The following SMURF2 variants were observed in gnomAD, a reference collection of about 807,000 sequenced individuals.
SMURF2 encodes the protein E3 ubiquitin-protein ligase SMURF2.
SMURF2 carries 48 observed loss-of-function variants against 109.6 expected under a neutral mutation model. The observed-to-expected ratio is 0.44, with a 90% confidence interval of 0.35 to 0.56. The LOEUF is 0.56. Ranked by LOEUF, SMURF2 falls within the 20% of genes least tolerant of loss-of-function variation. The pLI is 0.01. For missense variants in SMURF2, 575 were observed against 909.0 expected, an observed-to-expected ratio of 0.63 and a Z score of 4.72; for synonymous variants, 288 against 317.1, an observed-to-expected ratio of 0.91 and a Z score of 0.97.
In SMURF2 at chr17:64,583,464, G is replaced by T. The variant is rs375541957; in HGVS notation, c.566C>A (p.Thr189Lys). Residue 189 changes from threonine (T) to lysine (K), a missense_variant, in exon 7 of 19, where the codon ACA becomes AAA. Transcript: ENST00000262435. Reference sequence around the variant, plus strand: ...GAAAATATTTGTATGTTCTTACCGTGTTGGGCGCTCCCATTGCGTAGTTCT... The same window carrying T: ...GAAAATATTTGTATGTTCTTACCGTTTTGGGCGCTCCCATTGCGTAGTTCT... ...ITRTTQWERP[T>K]RPASEYSSPG... The T allele has an allele frequency of 5.6e-6, 9 of 1,612,378 alleles. No individual in the cohort carries two copies. Among genetic ancestry groups the T allele is most frequent in the Non-Finnish European group, 6.8e-6 (8 of 1,178,384 alleles).
chr17:64,626,901 C>G (rs568409941), intron 1 of SMURF2, among the ~76,000 whole-genome samples: 1 of 151,110 alleles, frequency 6.6e-6, no homozygotes, highest in East Asian at 1.9e-4. Flanking sequence ...TAACATTAAA[C>G]TATCACATGA....
chr17:64,600,034 T>C (rs1969872559), intron 2 of SMURF2, among the ~76,000 whole-genome samples: 1 of 152,162 alleles, frequency 6.6e-6, no homozygotes, highest in African/African-American at 2.4e-5. Flanking sequence ...CAGGGAGCCA[T>C]TTCAGGTTCT....
In SMURF2 at chr17:64,562,855, T is replaced by TA; in HGVS notation, c.1127dup (p.Ile378AsnfsTer19). 1 of 1,614,208 alleles carries TA rather than the reference T, an allele frequency of 6.2e-7. No homozygotes were observed. The highest frequency in any genetic ancestry group is 8.5e-7 in the Non-Finnish European group (1 of 1,180,026). On this transcript the variant is annotated frameshift_variant, in exon 11 of 19. Transcript: ENST00000262435. LOFTEE classifies it high-confidence loss of function. ...GGGAAAGTTCTTGCCGCAAAATTTT[T>TA]AGTTTCTGAACCAGGTCTCGCTTGT... is the stretch of plus-strand genomic sequence containing the variant.
chr17:64,622,924 T>A (rs1399809779), intron 1 of SMURF2, among the ~76,000 whole-genome samples: 1 of 152,186 alleles, frequency 6.6e-6, no homozygotes, highest in Middle Eastern at 3.2e-3. Context: ...TATCTAATCA[T>A]TTATATCAGT....
rs919183897 is a variant in SMURF2 at position 64,662,069 on chromosome 17, C to T, written c.-189G>A. 4 of 1,096,998 alleles carry T rather than the reference C, an allele frequency of 3.6e-6. No individual in the cohort carries two copies. Among genetic ancestry groups the T allele is most frequent in the Non-Finnish European group, 2.2e-6 (2 of 901,918 alleles). The allele number at this position is 1,096,998 out of a possible 1,614,324, so 68.0% of individuals were successfully genotyped here. On this transcript the variant is annotated 5_prime_UTR_variant, in exon 1 of 19. Transcript: ENST00000262435. ...GAGGGAGCGGGACGCCGAGCTCCCC[C>T]CTCCTCCCACTTCTCCTTCCTCGGC...
Position 64,547,095 on chromosome 17 carries a change from A to C in SMURF2, c.2071+505T>G, listed in dbSNP as rs1968967462. On this transcript the variant is annotated intron_variant, in intron 17 of 18. Transcript: ENST00000262435. This position sits in a 1 kb window ranked among gnomAD's most constrained non-coding sequence, Gnocchi z 4.2. ...CCCAAAATTAACCAGCTTATTCCAC[A>C]GAAAACCATTCTTAAAAAAGGAATA... Among the ~76,000 whole-genome samples, 1 of 152,252 alleles carries C rather than the reference A, an allele frequency of 6.6e-6. No individual in the cohort carries two copies. Among genetic ancestry groups the C allele is most frequent in the African/African-American group, 2.4e-5 (1 of 41,470 alleles).
Position 64,543,853 on chromosome 17 carries a change from C to T in SMURF2, c.*1995G>A, listed in dbSNP as rs1968909723. 2.0e-5 allele frequency: 3 copies of T among 152,232 alleles called. No individual in the cohort carries two copies. The South Asian group carries it at 6.2e-4, about 32-fold the overall frequency. The allele number at this position is 152,232 out of a possible 1,614,324, so 9.4% of individuals were successfully genotyped here. ...GTACTATCATGACAGCTGAACATTA[C>T]TGATTATCAAATAGCATAGAAACCA... On this transcript the variant is annotated 3_prime_UTR_variant, in exon 19 of 19. Coordinates refer to ENST00000262435, the MANE Select transcript of SMURF2 (RefSeq NM_022739.4).
At chr17:64,587,059 C>T (rs1226300140) in intron 5 of SMURF2, among the ~76,000 whole-genome samples, 2 of 151,936 alleles carry the variant, frequency 1.3e-5, no homozygotes, top group African/African-American at 4.8e-5. Flanking sequence ...ACCTGCAGTC[C>T]CAGCTACTGG....
intron 5 of SMURF2, among the ~76,000 whole-genome samples, chr17:64,586,862 TG>T (rs1969667981): frequency 6.6e-6 from 1 of 150,830 alleles, no homozygotes; most frequent in South Asian, 2.1e-4. Flanking sequence ...CTTGATCATC[TG>T]ACCATCTAAA....
At chr17:64,619,489 A>C (rs1260905235) in intron 1 of SMURF2, among the ~76,000 whole-genome samples, 1 of 151,066 alleles carries the variant, frequency 6.6e-6, no homozygotes, top group Non-Finnish European at 1.5e-5. Flanking sequence ...AAAAAAAAAA[A>C]AAAAAAAAAA....
chr17:64,593,254 C>T, intron 4 of SMURF2, 186 bp downstream of exon 4: 3 of 323,390 alleles, frequency 9.3e-6, no homozygotes, highest in Non-Finnish European at 1.5e-5. Context: ...GAATTTTTAC[C>T]AATGTTTCAG....
chr17:64,632,790 TAAGAG>T (rs1395469753), intron 1 of SMURF2, among the ~76,000 whole-genome samples: 9 of 152,164 alleles, frequency 5.9e-5, no homozygotes, highest in African/African-American at 9.7e-5. Context: ...TTCCCACGCT[TAAGAG>T]AAGGGCTGTG....
At chr17:64,650,910 T>TAAA (rs60191277) in intron 1 of SMURF2, among the ~76,000 whole-genome samples, 190 of 143,722 alleles carry the variant, frequency 1.3e-3, no homozygotes, top group African/African-American at 4.4e-3. Context: ...GCACGGTGGT[T>TAAA]AAAAAAAAAA....
At position 64,633,349 on chromosome 17, in the gene SMURF2, C is replaced by T. The variant is rs540405370; in HGVS notation, c.53-26709G>A. Among the ~76,000 whole-genome samples the T allele has an allele frequency of 7.4e-4, 112 of 152,234 alleles. 3 individuals are homozygous for T. In the South Asian group the frequency reaches 0.021, roughly 28 times the overall value. On this transcript the variant is annotated intron_variant, in intron 1 of 18. Transcript: ENST00000262435. ...AGGTACTGGGAGTCAATCAGGGTCC[C>T]TCAAAATCAAATAGAGGAAAGAACA...
intron 1 of SMURF2, among the ~76,000 whole-genome samples, chr17:64,622,472 G>C (rs1387918579): frequency 6.6e-6 from 1 of 152,098 alleles, no homozygotes; most frequent in Non-Finnish European, 1.5e-5. Flanking sequence ...GGCTGTAATA[G>C]TTTCTCTGGC....
Position 64,547,890 on chromosome 17 carries a change from G to T in SMURF2, c.1870-89C>A. 9.2e-7 allele frequency: 1 copy of T among 1,089,196 alleles called. No homozygotes were observed. The allele number at this position is 1,089,196 out of a possible 1,614,324, so 67.5% of individuals were successfully genotyped here. A position where few individuals can be genotyped will look rare whatever the true frequency, so the allele number is the denominator to read the frequency against. On this transcript the variant is annotated intron_variant, in intron 16 of 18. Transcript: ENST00000262435. The surrounding 1 kb of genome is among the most constrained non-coding windows in gnomAD (Gnocchi z 4.2). Reference sequence around the variant, plus strand: ...AGAGAACTTTAGGTTTGTACTGCTGGCTGTCATTTGGTGGTTCCTAATTAA... The same window carrying T: ...AGAGAACTTTAGGTTTGTACTGCTGTCTGTCATTTGGTGGTTCCTAATTAA...
intron 1 of SMURF2, among the ~76,000 whole-genome samples, chr17:64,607,136 A>C (rs1192665872): frequency 6.6e-6 from 1 of 151,798 alleles, no homozygotes; most frequent in Non-Finnish European, 1.5e-5. Context: ...TCATGGGAGA[A>C]ATCAAATTAC....
intron 1 of SMURF2, among the ~76,000 whole-genome samples, chr17:64,626,792 C>A (rs1342442874): frequency 6.6e-6 from 1 of 151,888 alleles, no homozygotes; most frequent in South Asian, 2.1e-4. Context: ...ACAAAACTTA[C>A]CTGAACACAA....
At chr17:64,554,000 TTTTA>T (rs1182942576) in intron 15 of SMURF2, among the ~76,000 whole-genome samples, 12 of 152,246 alleles carry the variant, frequency 7.9e-5, no homozygotes, top group African/African-American at 2.2e-4. Flanking sequence ...TTAGAGGACT[TTTTA>T]TTTCTCATAA....
Sources: allele counts gnomAD v4.1 joint callset (sites outside exome capture counted in the v4.1 genomes callset), GRCh38; gene constraint gnomAD v4.1.1; non-coding constraint Gnocchi (gnomAD v3.1); transcripts MANE v1.5; gene names NCBI Gene and HGNC (gene_info 2026-07-23, HGNC 2026-07-21).